The following CAMSAP1 variants were observed in gnomAD, a reference collection of about 807,000 sequenced individuals.
CAMSAP1 encodes the protein calmodulin-regulated spectrin-associated protein 1.
CAMSAP1 carries 58 observed loss-of-function variants against 143.5 expected under a neutral mutation model. That is an observed-to-expected ratio of 0.40 (90% CI 0.33 to 0.50). CAMSAP1 has a LOEUF of 0.50. CAMSAP1 is among the 20% of genes least tolerant of loss of function. The pLI is 0.45. For missense variants in CAMSAP1, 1,969 were observed against 2,115.7 expected (o/e 0.93, Z 1.36); for synonymous variants, 945 against 859.3 (o/e 1.10, Z -1.74).
intron 1 of CAMSAP1, among the ~76,000 whole-genome samples, chr9:135,892,154 C>T (rs1564461160): frequency 6.6e-6 from 1 of 152,118 alleles, no homozygotes; most frequent in Non-Finnish European, 1.5e-5. Context: ...TTTACAGGCT[C>T]AGGAAGCCTA....
At chr9:135,903,317 A>T (rs1838672998) in intron 1 of CAMSAP1, among the ~76,000 whole-genome samples, 1 of 152,250 alleles carries the variant, frequency 6.6e-6, no homozygotes, top group Non-Finnish European at 1.5e-5. Flanking sequence ...AATTTTCAAC[A>T]TGTCCAATAC....
chr9:135,852,351 T>G (rs1320232328), intron 5 of CAMSAP1, among the ~76,000 whole-genome samples: 1 of 152,368 alleles, frequency 6.6e-6, no homozygotes, highest in South Asian at 2.1e-4. Context: ...CATTTTGATA[T>G]GGTTACATTT....
intron 3 of CAMSAP1, among the ~76,000 whole-genome samples, chr9:135,875,618 T>A (rs917869744): frequency 2.0e-5 from 3 of 152,150 alleles, no homozygotes; most frequent in Admixed American, 2.0e-4. Context: ...CCGAATAGAA[T>A]CCAGAAACAG....
intron 3 of CAMSAP1, among the ~76,000 whole-genome samples, chr9:135,873,745 A>G (rs1221554982): frequency 6.6e-6 from 1 of 152,188 alleles, no homozygotes. Context: ...ATCTATTATC[A>G]TATGTATATT....
chr9:135,866,175 GC>G (rs1837372775), intron 4 of CAMSAP1, among the ~76,000 whole-genome samples: 1 of 152,192 alleles, frequency 6.6e-6, no homozygotes, highest in Non-Finnish European at 1.5e-5. Context: ...ACCCAGGTGG[GC>G]CCTACGTCCC....
chr9:135,875,884 G>A (rs1254973180), intron 3 of CAMSAP1, among the ~76,000 whole-genome samples: 1 of 152,178 alleles, frequency 6.6e-6, no homozygotes, highest in Non-Finnish European at 1.5e-5. Flanking sequence ...AAGTAAAGAT[G>A]TCTTCTATAA....
intron 4 of CAMSAP1, 124 bp downstream of exon 4, chr9:135,866,332 G>T: frequency 1.6e-6 from 1 of 628,352 alleles, no homozygotes. Context: ...GAATCCAAGA[G>T]ACTAGCTGCT....
At chr9:135,886,293 C>T (rs1243503204) in intron 1 of CAMSAP1, among the ~76,000 whole-genome samples, 2 of 152,084 alleles carry the variant, frequency 1.3e-5, no homozygotes, top group African/African-American at 4.8e-5. Context: ...CAGGTAATTT[C>T]CACGCAATGT....
intron 15 of CAMSAP1, 42 bp downstream of exon 15, chr9:135,815,848 G>A (rs1448427130): frequency 6.6e-7 from 1 of 1,518,102 alleles, no homozygotes; most frequent in Non-Finnish European, 9.1e-7. Context: ...AAGGCGTATG[G>A]CCATGCCCAC....
intron 3 of CAMSAP1, among the ~76,000 whole-genome samples, chr9:135,870,089 G>A (rs1201537029): frequency 1.3e-5 from 2 of 152,212 alleles, no homozygotes; most frequent in Non-Finnish European, 2.9e-5. Context: ...TCTGGAATTA[G>A]CCAGTGATGA....
chr9:135,813,017 T>A (rs140695955), intron 16 of CAMSAP1, among the ~76,000 whole-genome samples: 1 of 152,154 alleles, frequency 6.6e-6, no homozygotes, highest in Non-Finnish European at 1.5e-5. Flanking sequence ...GCCGCGTTTG[T>A]TGATTGTATT....
chr9:135,811,316 C>T lies in CAMSAP1; in HGVS notation c.4802G>A (p.Arg1601His), dbSNP rs765945601. The change falls in exon 17 of 17, where the codon CGT becomes CAT. Residue 1601 changes from arginine (R) to histidine (H), a missense_variant. Around this residue, in one of 4 missense-constraint regions of CAMSAP1, gnomAD observed 143 missense variants for 200.6 expected, o/e 0.71. Transcript: ENST00000389532. The surrounding 1 kb of genome is among the most constrained non-coding windows in gnomAD (Gnocchi z 4.9). Reference sequence around the variant, plus strand: ...ACGCCAGCTGCACCGGGGTCATTTACGAGTCTGGGCCTTCTTTGGCACTGC... The same window carrying T: ...ACGCCAGCTGCACCGGGGTCATTTATGAGTCTGGGCCTTCTTTGGCACTGC... ...RPAVPKKAQT[R>H]K is the part of the protein sequence containing the mutation. 42 of 1,611,560 alleles carry T rather than the reference C, an allele frequency of 2.6e-5. No homozygotes were observed. The highest frequency in any genetic ancestry group is 3.2e-5 in the Non-Finnish European group (38 of 1,178,562).
chr9:135,819,248 T>G, intron 11 of CAMSAP1, 102 bp from the exon 12 acceptor site: 10 of 1,404,180 alleles, frequency 7.1e-6, no homozygotes, highest in Non-Finnish European at 9.4e-6. Flanking sequence ...TTTTAAAAGT[T>G]TAACGCATAA....
intron 7 of CAMSAP1, among the ~76,000 whole-genome samples, chr9:135,846,105 G>A (rs1836539683): frequency 7.1e-6 from 1 of 140,910 alleles, no homozygotes. Context: ...GAAGCTGGAG[G>A]CATCATGCTA....
chr9:135,905,922 T>G (rs994256340), intron 1 of CAMSAP1, among the ~76,000 whole-genome samples: 5 of 152,322 alleles, frequency 3.3e-5, no homozygotes, highest in Admixed American at 1.3e-4. Flanking sequence ...GCAGTGTTTC[T>G]TCCTCATTAC....
At chr9:135,906,958 C>T in intron 1 of CAMSAP1, 42 bp downstream of exon 1, 1 of 1,009,674 alleles carries the variant, frequency 9.9e-7, no homozygotes. Context: ...CGGCCCCGGC[C>T]CGCGCCCCTG....
At chr9:135,852,127 T>C (rs1836803841) in intron 5 of CAMSAP1, among the ~76,000 whole-genome samples, 1 of 152,224 alleles carries the variant, frequency 6.6e-6, no homozygotes, top group African/African-American at 2.4e-5. Flanking sequence ...TCATGGTTAC[T>C]GGTCATGAAG....
intron 1 of CAMSAP1, among the ~76,000 whole-genome samples, chr9:135,886,360 C>T (rs926068761): frequency 5.9e-5 from 9 of 152,010 alleles, no homozygotes; most frequent in Non-Finnish European, 1.3e-4. Flanking sequence ...ACACCAGTCC[C>T]GCACTGAGGA....
At chr9:135,869,245 G>A (rs1351453623) in intron 3 of CAMSAP1, among the ~76,000 whole-genome samples, 1 of 151,936 alleles carries the variant, frequency 6.6e-6, no homozygotes, top group Non-Finnish European at 1.5e-5. Context: ...GCTCACACCT[G>A]TAATCCCAGC....
Sources: allele counts gnomAD v4.1 joint callset (sites outside exome capture counted in the v4.1 genomes callset), GRCh38; gene constraint gnomAD v4.1.1; regional missense constraint gnomAD v4.1.1; non-coding constraint Gnocchi (gnomAD v3.1); transcripts MANE v1.5; gene names NCBI Gene and HGNC (gene_info 2026-07-23, HGNC 2026-07-21).